The following NR5A1 variants were observed in gnomAD, a reference collection of about 807,000 sequenced individuals.
NR5A1 encodes steroidogenic factor 1.
In NR5A1, 6 loss-of-function variants were observed where a neutral mutation model predicts 42.7. The ratio of observed to expected loss-of-function variants is 0.14; its 90% CI spans 0.08 to 0.28. The LOEUF (loss-of-function observed/expected upper bound fraction) is 0.28. NR5A1 is among the 10% of genes least tolerant of loss of function. The pLI is 1.00. For missense variants in NR5A1, 442 were observed against 626.4 expected (o/e 0.71, Z 3.14); for synonymous variants, 274 against 277.5 (o/e 0.99, Z 0.12).
Position 124,492,617 on chromosome 9 carries a change from C to G in NR5A1, c.990+413G>C, listed in dbSNP as rs1178604602. 2.6e-5 allele frequency among the ~76,000 whole-genome samples: 4 copies of G among 152,190 alleles called. 1 individual carries two copies. The South Asian group carries it at 6.2e-4, about 24-fold the overall frequency. ...TCTCTCACCTCATGCCACCCCCACA[C>G]CGGCACCAGCAGGGCCCGGGGGCTC... On this transcript the variant is annotated intron_variant, in intron 5 of 6. Coordinates refer to ENST00000373588, the MANE Select transcript of NR5A1 (RefSeq NM_004959.5).
chr9:124,502,269 C>G (rs1243695700), intron 3 of NR5A1, among the ~76,000 whole-genome samples: 1 of 152,144 alleles, frequency 6.6e-6, no homozygotes, highest in African/African-American at 2.4e-5. Context: ...AAGGCGCTGC[C>G]GTTAAGCCCA....
intron 5 of NR5A1, among the ~76,000 whole-genome samples, chr9:124,492,816 C>A (rs1554721214): frequency 6.6e-6 from 1 of 152,252 alleles, no homozygotes; most frequent in African/African-American, 2.4e-5. Context: ...AAGAGCAGGG[C>A]TCCCAGGGGC....
Position 124,497,635 on chromosome 9 carries a change from A to T in NR5A1, c.870+2455T>A, listed in dbSNP as rs542578520. Among the ~76,000 whole-genome samples the T allele has an allele frequency of 2.6e-5, 4 of 152,106 alleles. No individual in the cohort carries two copies. In the South Asian group the frequency reaches 6.2e-4, roughly 24 times the overall value. On this transcript the variant is annotated intron_variant, in intron 4 of 6. Transcript: ENST00000373588. The stretch of plus-strand genomic sequence containing the variant: ...CTCAGAGCCCAAGCTCTGTCAGGGG[A>T]GCCCCTCCCTGACCCGGAACCTGGA...
At position 124,498,258 on chromosome 9, in the gene NR5A1, T is replaced by C. The variant is rs1338302633; in HGVS notation, c.870+1832A>G. Among the ~76,000 whole-genome samples, 2 of 152,182 alleles carry C rather than the reference T, an allele frequency of 1.3e-5. No homozygotes were observed. Among genetic ancestry groups the C allele is most frequent in the Non-Finnish European group, 2.9e-5 (2 of 68,030 alleles). On this transcript the variant is annotated intron_variant, in intron 4 of 6. Transcript: ENST00000373588. The surrounding 1 kb of genome is among the most constrained non-coding windows in gnomAD (Gnocchi z 4.6). ...GTCCACTGGACCAGTGGAAAAGAAC[T>C]TCCACATGGCTTACGAGAGGCGCTC...
chr9:124,502,384 G>C (rs1462251076), intron 3 of NR5A1, among the ~76,000 whole-genome samples: 1 of 151,892 alleles, frequency 6.6e-6, no homozygotes, highest in Non-Finnish European at 1.5e-5. Flanking sequence ...GGCTGGAGTG[G>C]AGTGGTGTGA....
chr9:124,490,438 C>T (rs566826287), intron 6 of NR5A1, among the ~76,000 whole-genome samples: 2 of 152,254 alleles, frequency 1.3e-5, no homozygotes, highest in East Asian at 3.9e-4. Context: ...AGGAGACCCC[C>T]CAAGTGCTTG....
At chr9:124,488,024 C>A (rs1832247004) in intron 6 of NR5A1, among the ~76,000 whole-genome samples, 1 of 152,190 alleles carries the variant, frequency 6.6e-6, no homozygotes, top group South Asian at 2.1e-4. Context: ...CAGCTCCTGT[C>A]CCCTCGCCAG....
At position 124,503,348 on chromosome 9, in the gene NR5A1, G is replaced by A. The variant is rs104894123; in HGVS notation, c.48C>T (p.Cys16=). 3 of 1,611,328 alleles carry A rather than the reference G, an allele frequency of 1.9e-6. No individual in the cohort carries two copies. The highest frequency in any genetic ancestry group is 2.5e-6 in the Non-Finnish European group (3 of 1,179,474). The change falls in exon 2 of 7, where the codon TGC becomes TGT. Residue 16 remains cysteine (C), a synonymous_variant. Transcript: ENST00000373588. This position sits in a 1 kb window ranked among gnomAD's most constrained non-coding sequence, Gnocchi z 9.6. Reference sequence around the variant, plus strand: ...AGTGGTAGCCGGACACCTTGTCCCCGCACACGGGGCACAGCTCGTCCAGGT... The same window carrying A: ...AGTGGTAGCCGGACACCTTGTCCCCACACACGGGGCACAGCTCGTCCAGGT... ...DEDLDELCPV[C]GDKVSGYHYG... is the part of the protein sequence containing the mutation.
At position 124,500,498 on chromosome 9, in the gene NR5A1, G is replaced by A. The variant is rs776212991; in HGVS notation, c.462C>T (p.Ala154=). The part of the protein sequence containing the change: ...LHGPEPKGLA[A]GPPAGPLGDF... ...CGCCCAGTGGCCCAGCAGGTGGACC[G>A]GCGGCCAGGCCCTTGGGCTCAGGCC... The change falls in exon 4 of 7, where the codon GCC becomes GCT. Residue 154 remains alanine, a synonymous_variant. Transcript: ENST00000373588. This position sits in a 1 kb window ranked among gnomAD's most constrained non-coding sequence, Gnocchi z 6.9. The A allele has an allele frequency of 2.6e-5, 42 of 1,603,968 alleles. No homozygotes were observed. The Admixed American group carries it at 4.7e-4, about 18-fold the overall frequency.
chr9:124,484,753 C>CTAAA (rs56282643), intron 6 of NR5A1, among the ~76,000 whole-genome samples: 1,658 of 148,594 alleles, frequency 0.011, 22 homozygotes, highest in East Asian at 0.062. Context: ...GACTCTGTCT[C>CTAAA]TAAATAAATA....
At position 124,491,477 on chromosome 9, in the gene NR5A1, C is replaced by T. The variant is rs543342716; in HGVS notation, c.991-249G>A. 8.5e-5 allele frequency among the ~76,000 whole-genome samples: 13 copies of T among 152,314 alleles called. 1 individual carries two copies. The highest frequency in any genetic ancestry group is 7.8e-4 in the Admixed American group (12 of 15,302). ...AGCCCGGAGCTGAGGCACCCACGTTCTGCCCGCGTCCACCCCTCCTTCACA... is the reference window on the plus strand; with the variant it reads ...AGCCCGGAGCTGAGGCACCCACGTTTTGCCCGCGTCCACCCCTCCTTCACA... On this transcript the variant is annotated intron_variant, in intron 5 of 6. Transcript: ENST00000373588.
At chr9:124,486,063 T>G (rs1832203081) in intron 6 of NR5A1, among the ~76,000 whole-genome samples, 1 of 152,022 alleles carries the variant, frequency 6.6e-6, no homozygotes, top group South Asian at 2.1e-4. Context: ...TTACCGGGAT[T>G]TACTGTTCTC....
rs555432763 is a variant in NR5A1 at position 124,503,570 on chromosome 9, G to C, written c.-15-160C>G. Among the ~76,000 whole-genome samples the C allele has an allele frequency of 6.6e-6, 1 of 152,050 alleles. No individual in the cohort carries two copies. Among genetic ancestry groups the C allele is most frequent in the South Asian group, 2.1e-4 (1 of 4,828 alleles). ...ACCGAGCGCCCCGCGCAGCGTCCCG[G>C]GGTGGGTCCGGTGCAGTCCCCGCGC... On this transcript the variant is annotated intron_variant, in intron 1 of 6. Coordinates refer to ENST00000373588, the MANE Select transcript of NR5A1 (RefSeq NM_004959.5). The surrounding 1 kb of genome is among the most constrained non-coding windows in gnomAD (Gnocchi z 9.6).
chr9:124,492,411 C>T (rs1426889777), intron 5 of NR5A1, among the ~76,000 whole-genome samples: 1 of 151,936 alleles, frequency 6.6e-6, no homozygotes, highest in Admixed American at 6.6e-5. Flanking sequence ...TCCCCGGACC[C>T]CTGCTGCATC....
chr9:124,495,701 A>T (rs1832381929), intron 4 of NR5A1, among the ~76,000 whole-genome samples: 1 of 152,112 alleles, frequency 6.6e-6, no homozygotes, highest in South Asian at 2.1e-4. Flanking sequence ...GTGGCGGAGG[A>T]GCGATAAGGG....
intron 4 of NR5A1, among the ~76,000 whole-genome samples, 196 bp downstream of exon 4, chr9:124,499,894 A>T (rs1832439817): frequency 6.6e-6 from 1 of 152,138 alleles, no homozygotes; most frequent in Non-Finnish European, 1.5e-5. Flanking sequence ...GGAGAGAAGG[A>T]GAGGGAGGGA....
At chr9:124,491,307 G>A in intron 5 of NR5A1, 79 bp from the exon 6 acceptor site, 2 of 1,153,506 alleles carry the variant, frequency 1.7e-6, no homozygotes, top group South Asian at 1.4e-5. Context: ...GGGGATGCAG[G>A]GCTGAGGGCA....
intron 3 of NR5A1, 101 bp downstream of exon 3, chr9:124,502,978 G>A: frequency 1.4e-6 from 2 of 1,431,744 alleles, no homozygotes; most frequent in Non-Finnish European, 1.9e-6. Context: ...AGGGGCCTTC[G>A]CGAAGGCCAA....
At chr9:124,504,024 CAGAGAGAGAGAGAG>C (rs150663190) in intron 1 of NR5A1, among the ~76,000 whole-genome samples, 3 of 105,910 alleles carry the variant, frequency 2.8e-5, no homozygotes, top group African/African-American at 1.8e-4. Flanking sequence ...GACAGGGAGA[CAGAGAGAGAGAGAG>C]AGAGAGAGAG....
Sources: allele counts gnomAD v4.1 joint callset (sites outside exome capture counted in the v4.1 genomes callset), GRCh38; gene constraint gnomAD v4.1.1; non-coding constraint Gnocchi (gnomAD v3.1); transcripts MANE v1.5; gene names NCBI Gene and HGNC (gene_info 2026-07-23, HGNC 2026-07-21).